Variants in SHANK2 observed in about 807,000 individuals in gnomAD.
SHANK2 encodes SH3 and multiple ankyrin repeat domains protein 2.
SHANK2 carries 43 observed loss-of-function variants against 133.7 expected under a neutral mutation model. The ratio of observed to expected loss-of-function variants is 0.32; its 90% CI spans 0.25 to 0.41. The LOEUF (loss-of-function observed/expected upper bound fraction) is 0.41. Ranked by LOEUF, SHANK2 falls within the 10% of genes least tolerant of loss-of-function variation. SHANK2 has a pLI of 1.00. For synonymous variants in SHANK2, 1,017 were observed against 952.8 expected, an observed-to-expected ratio of 1.07 and a Z score of -1.24; for missense variants, 1,994 against 2,235.8, an observed-to-expected ratio of 0.89 and a Z score of 2.18.
rs539955869 is a variant in SHANK2, at chr11:70,522,841, C to T, written c.2062-19910G>A. Among the ~76,000 whole-genome samples, 88 of 152,310 alleles carry T rather than the reference C, an allele frequency of 5.8e-4. 1 individual carries two copies. The highest frequency in any genetic ancestry group is 2.1e-3 in the African/African-American group (87 of 41,562). On this transcript the variant is annotated intron_variant, in intron 17 of 25. Transcript: ENST00000601538. ...TTTGAGACTCGTGCAGAAGGGAAGC[C>T]GCCCCAAGCCAGCCAGGCATTTGGG...
chr11:70,602,951 G>A (rs1554991350), intron 17 of SHANK2, among the ~76,000 whole-genome samples: 1 of 152,208 alleles, frequency 6.6e-6, no homozygotes, highest in Non-Finnish European at 1.5e-5. Context: ...CACACACACC[G>A]GGGAGGCAGA....
intron 2 of SHANK2, among the ~76,000 whole-genome samples, chr11:71,166,867 T>C (rs1407992708): frequency 5.7e-5 from 8 of 140,976 alleles, no homozygotes; most frequent in Non-Finnish European, 9.4e-5. Context: ...AGGACAATAG[T>C]GGAGGGAAGG....
chr11:70,810,501 GGTCAGA>G (rs1948256260), intron 12 of SHANK2, among the ~76,000 whole-genome samples: 1 of 152,194 alleles, frequency 6.6e-6, no homozygotes, highest in South Asian at 2.1e-4. Context: ...AGCACCCCAG[GGTCAGA>G]ATCCCTCCTC....
In SHANK2 at chr11:70,469,833, T is replaced by C. The variant is rs1202420293; in HGVS notation, c.*3036A>G. ...AAATCAACAGTCACATTGAGTAATT[T>C]TTATATTATGTGAATTAACTTAAAA... is the stretch of plus-strand genomic sequence containing the variant. On this transcript the variant is annotated 3_prime_UTR_variant, in exon 26 of 26. Coordinates refer to ENST00000601538, the MANE Select transcript of SHANK2 (RefSeq NM_012309.5). The C allele has an allele frequency of 6.6e-6, 1 of 152,652 alleles. No homozygotes were observed. Among genetic ancestry groups the C allele is most frequent in the Non-Finnish European group, 1.5e-5 (1 of 68,044 alleles). 9.5% of individuals were successfully genotyped at this position (152,652 alleles called of 1,614,324 possible).
rs1167402792 is a variant in SHANK2 at position 70,498,735 on chromosome 11, C to CG, written c.2308+1834dup. 5.9e-5 allele frequency among the ~76,000 whole-genome samples: 9 copies of CG among 152,226 alleles called. 1 individual carries two copies. Among genetic ancestry groups the CG allele is most frequent in the African/African-American group, 1.9e-4 (8 of 41,522 alleles). ...GGATGTTATGATAAATGACCATGCA[C>CG]GGGGGGCTTAAAACAATGGAAACGT... On this transcript the variant is annotated intron_variant, in intron 21 of 25. Coordinates refer to ENST00000601538, the MANE Select transcript of SHANK2 (RefSeq NM_012309.5).
At position 70,821,231 on chromosome 11, in the gene SHANK2, T is replaced by C. The variant is rs530142753; in HGVS notation, c.1175-549A>G. ...GCCATTAGTGGGGGCCCTGATCCCA[T>C]AGGATTGGGGTCCTTATAAGAAGAG... On this transcript the variant is annotated intron_variant, in intron 11 of 25. Transcript: ENST00000601538. Among the ~76,000 whole-genome samples the C allele has an allele frequency of 3.9e-5, 6 of 152,048 alleles. No homozygotes were observed. The South Asian group carries it at 1.2e-3, about 32-fold the overall frequency.
intron 14 of SHANK2, among the ~76,000 whole-genome samples, chr11:70,784,383 G>T (rs943744644): frequency 3.8e-5 from 4 of 105,872 alleles, no homozygotes; most frequent in South Asian, 3.0e-4. Context: ...TTTAAGTAGC[G>T]ACGGGGTTTC....
intron 2 of SHANK2, among the ~76,000 whole-genome samples, chr11:71,193,454 G>A (rs1555115763): frequency 6.6e-6 from 1 of 152,180 alleles, no homozygotes; most frequent in African/African-American, 2.4e-5. Context: ...TTGACCTTGC[G>A]CTGGACGTGC....
chr11:70,756,089 G>A (rs921516110), intron 14 of SHANK2, among the ~76,000 whole-genome samples: 2 of 152,194 alleles, frequency 1.3e-5, no homozygotes, highest in Non-Finnish European at 2.9e-5. Context: ...TGGCCGCAGC[G>A]GGTTCAGGGT....
chr11:70,753,313 C>T (rs1946795503), intron 14 of SHANK2, among the ~76,000 whole-genome samples: 3 of 151,992 alleles, frequency 2.0e-5, no homozygotes, highest in African/African-American at 7.2e-5. Flanking sequence ...CTTAAAAATA[C>T]CATCAAAAGG....
rs888923145 is a variant in SHANK2, at chr11:70,869,963, G to A, written c.1174+26538C>T. On this transcript the variant is annotated intron_variant, in intron 11 of 25. Coordinates refer to ENST00000601538, the MANE Select transcript of SHANK2 (RefSeq NM_012309.5). ...GAAACCCTCACAAAAGTCCACAAGA[G>A]TGTCCCCCCAAATCCATGTCCACCC... Among the ~76,000 whole-genome samples, 4 of 152,118 alleles carry A rather than the reference G, an allele frequency of 2.6e-5. No individual in the cohort carries two copies. In the South Asian group the frequency reaches 8.3e-4, roughly 32 times the overall value.
intron 14 of SHANK2, among the ~76,000 whole-genome samples, chr11:70,785,659 A>AAG (rs1555046305): frequency 2.5e-4 from 38 of 152,180 alleles, no homozygotes; most frequent in Non-Finnish European, 4.3e-4. Flanking sequence ...AGGGTGTTCC[A>AAG]GGTGGCCGGA....
At chr11:70,605,562 T>A (rs1591639435) in intron 17 of SHANK2, among the ~76,000 whole-genome samples, 1 of 152,218 alleles carries the variant, frequency 6.6e-6, no homozygotes, top group Admixed American at 6.5e-5. Context: ...CTGCCTCCGG[T>A]GGCCTTATTT....
chr11:70,936,645 C>T (rs1432519171), intron 10 of SHANK2, among the ~76,000 whole-genome samples: 1 of 152,218 alleles, frequency 6.6e-6, no homozygotes, highest in Non-Finnish European at 1.5e-5. Context: ...TCATTTTGGT[C>T]TCTGAAGATC....
intron 17 of SHANK2, among the ~76,000 whole-genome samples, chr11:70,628,148 C>T (rs532517606): frequency 1.3e-5 from 2 of 152,090 alleles, no homozygotes; most frequent in East Asian, 3.9e-4. Flanking sequence ...TTAGTAGAGA[C>T]GGGGTTTCAC....
intron 1 of SHANK2, among the ~76,000 whole-genome samples, chr11:71,230,741 C>G (rs1954728640): frequency 6.6e-6 from 1 of 152,048 alleles, no homozygotes; most frequent in Admixed American, 6.6e-5. Flanking sequence ...AGCAATAGAA[C>G]TCAATACAGA....
At chr11:71,213,023 T>G (rs898919362) in intron 2 of SHANK2, among the ~76,000 whole-genome samples, 1 of 147,918 alleles carries the variant, frequency 6.8e-6, no homozygotes, top group Non-Finnish European at 1.5e-5. Flanking sequence ...GGACCCCAGG[T>G]GGAGGCAAAG....
At chr11:71,056,109 C>G (rs926820202) in intron 10 of SHANK2, among the ~76,000 whole-genome samples, 1 of 152,162 alleles carries the variant, frequency 6.6e-6, no homozygotes, top group Non-Finnish European at 1.5e-5. Context: ...GAAGGCAAGC[C>G]CCCTCCTGTG....
chr11:70,818,512 TG>T (rs1468256751), intron 12 of SHANK2, among the ~76,000 whole-genome samples: 3 of 152,150 alleles, frequency 2.0e-5, no homozygotes, highest in Non-Finnish European at 4.4e-5. Flanking sequence ...GATTTTGTAC[TG>T]GGTGAAGGGG....
Sources: allele counts gnomAD v4.1 joint callset (sites outside exome capture counted in the v4.1 genomes callset), GRCh38; gene constraint gnomAD v4.1.1; transcripts MANE v1.5; gene names NCBI Gene and HGNC (gene_info 2026-07-23, HGNC 2026-07-21).